The following SIL1 variants were observed in gnomAD, a reference collection of about 807,000 sequenced individuals.
SIL1 encodes SIL1 nucleotide exchange factor, also known as nucleotide exchange factor SIL1.
Under a neutral mutation model 49.1 loss-of-function variants are expected in SIL1, and 40 were observed. The observed-to-expected ratio is 0.81, with a 90% CI of 0.63 to 1.06. The LOEUF (loss-of-function observed/expected upper bound fraction) is 1.06. Ranked by LOEUF, SIL1 falls within the 50% of genes least tolerant of loss-of-function variation. The pLI is 0.00. For synonymous variants in SIL1, 253 were observed against 250.8 expected (o/e 1.01, Z -0.08); for missense variants, 500 against 572.6 (o/e 0.87, Z 1.29).
intron 7 of SIL1, among the ~76,000 whole-genome samples, chr5:139,020,187 C>T (rs1768488705): frequency 6.6e-6 from 1 of 152,178 alleles, no homozygotes; most frequent in African/African-American, 2.4e-5. Context: ...ATAACGGAAA[C>T]AAAGGCCGGC....
chr5:138,993,538 G>T (rs1009657464), intron 7 of SIL1, among the ~76,000 whole-genome samples: 1 of 152,186 alleles, frequency 6.6e-6, no homozygotes, highest in Non-Finnish European at 1.5e-5. Flanking sequence ...TACGGCAAAG[G>T]TGACAAGATA....
intron 7 of SIL1, among the ~76,000 whole-genome samples, chr5:138,989,156 A>G (rs924423450): frequency 1.3e-5 from 2 of 152,204 alleles, no homozygotes; most frequent in African/African-American, 4.8e-5. Flanking sequence ...CAGAGTTGAA[A>G]ACATGAAGTT....
intron 3 of SIL1, among the ~76,000 whole-genome samples, chr5:139,075,551 C>T (rs1769930101): frequency 6.6e-6 from 1 of 152,154 alleles, no homozygotes; most frequent in African/African-American, 2.4e-5. Flanking sequence ...CCTACACAGT[C>T]GCTGCCGCCT....
intron 1 of SIL1, among the ~76,000 whole-genome samples, chr5:139,131,062 T>C (rs1750853477): frequency 6.6e-6 from 1 of 152,124 alleles, no homozygotes; most frequent in South Asian, 2.1e-4. Context: ...TCAAGAAAAC[T>C]TAATCCAAAT....
chr5:139,037,645 A>G (rs1768947365), intron 5 of SIL1, among the ~76,000 whole-genome samples: 1 of 151,862 alleles, frequency 6.6e-6, no homozygotes, highest in Non-Finnish European at 1.5e-5. Flanking sequence ...CTATCTGGTG[A>G]CTTTTAAAGT....
intron 4 of SIL1, among the ~76,000 whole-genome samples, chr5:139,049,812 ATC>A (rs1769248264): frequency 6.6e-6 from 1 of 150,824 alleles, no homozygotes; most frequent in Non-Finnish European, 1.5e-5. Context: ...AAAAAAAAAA[ATC>A]ATCATCATCA....
intron 3 of SIL1, among the ~76,000 whole-genome samples, chr5:139,062,120 A>G (rs1427431836): frequency 6.6e-6 from 1 of 152,168 alleles, no homozygotes; most frequent in Non-Finnish European, 1.5e-5. Context: ...ATGAGCATCT[A>G]TCCTGTCTCC....
intron 3 of SIL1, among the ~76,000 whole-genome samples, chr5:139,102,504 G>A (rs77430692): frequency 1.7e-5 from 1 of 57,518 alleles, no homozygotes. Context: ...AAAAAAAAGA[G>A]AGAGAGAGAG....
rs180700164 is a variant in SIL1 at position 139,060,533 on chromosome 5, T to C, written c.245-9487A>G. On this transcript the variant is annotated intron_variant, in intron 3 of 9. Transcript: ENST00000394817. ...GGCCTTAGTCCTCCAATTTTTTTTTTTTTTTTAAGTTTTTCTGGTCCATAA... is the reference window on the plus strand; with the variant it reads ...GGCCTTAGTCCTCCAATTTTTTTTTCTTTTTTAAGTTTTTCTGGTCCATAA... Among the ~76,000 whole-genome samples, 463 of 152,178 alleles carry C rather than the reference T, an allele frequency of 3.0e-3. 2 individuals carry two copies. Among genetic ancestry groups the C allele is most frequent in the Non-Finnish European group, 3.9e-3 (267 of 68,000 alleles).
chr5:139,182,290 G>A (rs1038951031), intron 1 of SIL1, among the ~76,000 whole-genome samples: 34 of 152,154 alleles, frequency 2.2e-4, no homozygotes, highest in African/African-American at 7.5e-4. Context: ...GACGCAACAC[G>A]GAATGAGCAG....
chr5:139,016,034 C>T (rs1768390556), intron 7 of SIL1, among the ~76,000 whole-genome samples: 1 of 152,030 alleles, frequency 6.6e-6, no homozygotes, highest in Non-Finnish European at 1.5e-5. Flanking sequence ...CTGTAGTATG[C>T]TATGATCACA....
intron 1 of SIL1, among the ~76,000 whole-genome samples, chr5:139,165,605 C>A (rs1004401597): frequency 6.6e-6 from 1 of 152,142 alleles, no homozygotes; most frequent in Non-Finnish European, 1.5e-5. Flanking sequence ...CCACCTTAGC[C>A]TCCCAAATTG....
intron 7 of SIL1, among the ~76,000 whole-genome samples, chr5:138,955,086 C>A (rs554176104): frequency 6.6e-6 from 1 of 152,200 alleles, no homozygotes; most frequent in Non-Finnish European, 1.5e-5. Flanking sequence ...ACCAGAGCTG[C>A]GGCCCACCCC....
chr5:139,067,729 CG>C lies in SIL1; in HGVS notation c.245-16684del, dbSNP rs1185019366. Among the ~76,000 whole-genome samples the C allele has an allele frequency of 8.5e-5, 13 of 152,198 alleles. 1 individual carries two copies. Among genetic ancestry groups the C allele is most frequent in the African/African-American group, 3.1e-4 (13 of 41,458 alleles). On this transcript the variant is annotated intron_variant, in intron 3 of 9. Transcript: ENST00000394817. ...AATAATGGCAAGGCCTTGCAGCAAC[CG>C]GCATCCTAATAACTGTAGGTAAGGA...
At chr5:138,960,937 G>C (rs910874950) in intron 7 of SIL1, among the ~76,000 whole-genome samples, 1 of 152,132 alleles carries the variant, frequency 6.6e-6, no homozygotes, top group African/African-American at 2.4e-5. Flanking sequence ...AGTCTTCTGG[G>C]GTACTGATAA....
At chr5:139,107,898 T>C (rs753711682) in intron 3 of SIL1, 1 of 152,362 alleles carries the variant, frequency 6.6e-6, no homozygotes, top group South Asian at 2.1e-4. Flanking sequence ...CAGAGAGGGA[T>C]AGTTCATTAA....
intron 1 of SIL1, among the ~76,000 whole-genome samples, chr5:139,171,049 G>A (rs960753477): frequency 6.1e-4 from 91 of 148,780 alleles, no homozygotes; most frequent in African/African-American, 1.8e-3. Context: ...CCCTCTGCCC[G>A]GCCAGCTGCC....
intron 5 of SIL1, among the ~76,000 whole-genome samples, chr5:139,032,121 G>A (rs1768806898): frequency 7.9e-5 from 12 of 152,160 alleles, no homozygotes; most frequent in Admixed American, 7.8e-4. Flanking sequence ...TGTGTTGAAT[G>A]AGTGGTAAGA....
At chr5:139,046,800 G>A (rs981653432) in intron 4 of SIL1, among the ~76,000 whole-genome samples, 10 of 152,130 alleles carry the variant, frequency 6.6e-5, no homozygotes, top group African/African-American at 2.4e-4. Context: ...ACAGGTTCCT[G>A]GGATCAGCCA....
Sources: allele counts gnomAD v4.1 joint callset (sites outside exome capture counted in the v4.1 genomes callset), GRCh38; gene constraint gnomAD v4.1.1; transcripts MANE v1.5; gene names NCBI Gene and HGNC (gene_info 2026-07-23, HGNC 2026-07-21).